Variants in KIF26B observed in about 807,000 individuals in gnomAD.
KIF26B encodes the protein kinesin-like protein KIF26B.
Under a neutral mutation model 151.2 loss-of-function variants are expected in KIF26B, and 63 were observed. That is an observed-to-expected ratio of 0.42 (90% confidence interval 0.34 to 0.51). KIF26B has a LOEUF of 0.51. KIF26B is among the 20% of genes least tolerant of loss of function. The pLI, the probability that KIF26B is intolerant of heterozygous loss-of-function variation, is 0.07. For synonymous variants in KIF26B, 1,357 were observed against 1,262.1 expected, an observed-to-expected ratio of 1.08 and a Z score of -1.59; for missense variants, 2,813 against 2,913.6, an observed-to-expected ratio of 0.97 and a Z score of 0.79.
At chr1:245,369,195 GAGACAGACAGAC>G (rs1553268129) in intron 3 of KIF26B, among the ~76,000 whole-genome samples, 10 of 129,506 alleles carry the variant, frequency 7.7e-5, no homozygotes, top group Admixed American at 1.5e-4. Flanking sequence ...GAGAGAGAGA[GAGACAGACAGAC>G]AGACAGACAG....
chr1:245,545,721 T>A (rs1021216830), intron 5 of KIF26B, among the ~76,000 whole-genome samples: 11 of 152,336 alleles, frequency 7.2e-5, no homozygotes, highest in African/African-American at 2.6e-4. Flanking sequence ...AGCAGCTTAG[T>A]CCCCATTCAT....
chr1:245,252,573 A>G (rs1454622986), intron 2 of KIF26B, among the ~76,000 whole-genome samples: 4 of 152,290 alleles, frequency 2.6e-5, no homozygotes, highest in African/African-American at 9.6e-5. Context: ...TATTAAGTCT[A>G]ATACCTTGTG....
rs1242758911 is a variant in KIF26B at position 245,244,426 on chromosome 1, G to T, written c.465+87743G>T. 6.6e-6 allele frequency among the ~76,000 whole-genome samples: 1 copy of T among 152,066 alleles called. No homozygotes were observed. The highest frequency in any genetic ancestry group is 1.9e-4 in the East Asian group (1 of 5,194). ...AGTGGGTGGGTAAAATCCGTGAAAGGGTGAGTATTTTGCTTTTAAAGTTCT... is the reference window on the plus strand; with the variant it reads ...AGTGGGTGGGTAAAATCCGTGAAAGTGTGAGTATTTTGCTTTTAAAGTTCT... On this transcript the variant is annotated intron_variant, in intron 2 of 14. Transcript: ENST00000407071. This position sits in a 1 kb window ranked among gnomAD's most constrained non-coding sequence, Gnocchi z 4.2.
At chr1:245,568,233 G>C (rs1248207229) in intron 5 of KIF26B, among the ~76,000 whole-genome samples, 1 of 141,514 alleles carries the variant, frequency 7.1e-6, no homozygotes, top group African/African-American at 2.6e-5. Context: ...CAAAGGGCCT[G>C]AGCCAGGCAC....
At chr1:245,461,469 C>T (rs763454537) in intron 4 of KIF26B, among the ~76,000 whole-genome samples, 4 of 152,200 alleles carry the variant, frequency 2.6e-5, no homozygotes, top group East Asian at 1.9e-4. Context: ...TAATTAGATC[C>T]GCTCATCACG....
At chr1:245,581,041 C>T (rs1226992974) in intron 5 of KIF26B, among the ~76,000 whole-genome samples, 1 of 152,212 alleles carries the variant, frequency 6.6e-6, no homozygotes, top group Admixed American at 6.5e-5. Context: ...TCCAGCAGCT[C>T]CTGCATGATT....
intron 5 of KIF26B, among the ~76,000 whole-genome samples, chr1:245,585,428 A>G (rs1260049969): frequency 1.3e-5 from 2 of 152,174 alleles, no homozygotes; most frequent in Non-Finnish European, 2.9e-5. Context: ...AACTTGGAGT[A>G]TGAGTCAGAG....
At chr1:245,240,496 TACATGTACAG>T (rs1670195944) in intron 2 of KIF26B, among the ~76,000 whole-genome samples, 1 of 152,194 alleles carries the variant, frequency 6.6e-6, no homozygotes, top group African/African-American at 2.4e-5. Flanking sequence ...CATATACACA[TACATGTACAG>T]ACATACGAGT....
chr1:245,358,813 G>GA lies in KIF26B; in HGVS notation c.466-8021_466-8020insA, dbSNP rs1298641781. Among the ~76,000 whole-genome samples, 3 of 152,118 alleles carry GA rather than the reference G, an allele frequency of 2.0e-5. No individual in the cohort carries two copies. Among genetic ancestry groups the GA allele is most frequent in the Non-Finnish European group, 4.4e-5 (3 of 68,040 alleles). On this transcript the variant is annotated intron_variant, in intron 2 of 14. Transcript: ENST00000407071. This position sits in a 1 kb window ranked among gnomAD's most constrained non-coding sequence, Gnocchi z 4.1. ...ATAATCTTGATTAGTGCTTACATGCGTATAGTTCAGCACTTTATTTTGTGT... is the reference window on the plus strand; with the variant it reads ...ATAATCTTGATTAGTGCTTACATGCGATATAGTTCAGCACTTTATTTTGTGT...
Position 245,227,366 on chromosome 1 carries a change from G to A in KIF26B, c.465+70683G>A, listed in dbSNP as rs1047003234. Among the ~76,000 whole-genome samples, 1 of 152,180 alleles carries A rather than the reference G, an allele frequency of 6.6e-6. No individual in the cohort carries two copies. The highest frequency in any genetic ancestry group is 2.4e-5 in the African/African-American group (1 of 41,444). On this transcript the variant is annotated intron_variant, in intron 2 of 14. Transcript: ENST00000407071. The surrounding 1 kb of genome is among the most constrained non-coding windows in gnomAD (Gnocchi z 4.1). ...CCATGTGATGTAGCACAGGTTGATG[G>A]GGTAAGCCAGTGTAACATGGAAACC...
intron 2 of KIF26B, among the ~76,000 whole-genome samples, chr1:245,351,120 G>A (rs1672558990): frequency 6.6e-6 from 1 of 152,202 alleles, no homozygotes; most frequent in Admixed American, 6.5e-5. Context: ...TCTGACCTAT[G>A]CATTGGGATA....
intron 4 of KIF26B, among the ~76,000 whole-genome samples, chr1:245,470,911 T>C (rs1659899426): frequency 1.3e-5 from 2 of 152,142 alleles, no homozygotes; most frequent in South Asian, 4.1e-4. Context: ...TCTCTCTCTC[T>C]CCTCTCATAG....
chr1:245,489,682 A>G (rs965589030), intron 4 of KIF26B, among the ~76,000 whole-genome samples: 4 of 152,260 alleles, frequency 2.6e-5, no homozygotes, highest in Non-Finnish European at 5.9e-5. Flanking sequence ...CAGGGTTATG[A>G]GAAGGCAGAA....
At chr1:245,557,501 A>G (rs926760821) in intron 5 of KIF26B, among the ~76,000 whole-genome samples, 1 of 152,184 alleles carries the variant, frequency 6.6e-6, no homozygotes, top group Non-Finnish European at 1.5e-5. Flanking sequence ...TCAGAGGGTA[A>G]TTGTGAGGCT....
chr1:245,600,732 G>T (rs2043387327), intron 5 of KIF26B, among the ~76,000 whole-genome samples: 1 of 152,020 alleles, frequency 6.6e-6, no homozygotes, highest in Admixed American at 6.5e-5. Context: ...AGTGCTTTGG[G>T]AGGCAGAGGT....
At chr1:245,461,601 C>G (rs1659648386) in intron 4 of KIF26B, among the ~76,000 whole-genome samples, 1 of 152,098 alleles carries the variant, frequency 6.6e-6, no homozygotes, top group African/African-American at 2.4e-5. Flanking sequence ...CCCATCACCT[C>G]CAGCTGCACC....
In KIF26B at chr1:245,540,707, A is replaced by T; in HGVS notation, c.1167-60A>T. 1 of 1,464,658 alleles carries T rather than the reference A, an allele frequency of 6.8e-7. No individual in the cohort carries two copies. The allele number at this position is 1,464,658 out of a possible 1,614,324, so 90.7% of individuals were successfully genotyped here. A position where few individuals can be genotyped will look rare whatever the true frequency, so the allele number is the denominator to read the frequency against. ...GGGGTTGTTTAAGAGAAAACGAAGT[A>T]AGCCTAGCAGATCTGATCGTACAAT... On this transcript the variant is annotated intron_variant, in intron 4 of 14. Coordinates refer to ENST00000407071, the MANE Select transcript of KIF26B (RefSeq NM_018012.4). This position sits in a 1 kb window ranked among gnomAD's most constrained non-coding sequence, Gnocchi z 4.6.
In KIF26B at chr1:245,246,912, C is replaced by T. The variant is rs144355635; in HGVS notation, c.465+90229C>T. 5.9e-3 allele frequency among the ~76,000 whole-genome samples: 854 copies of T among 144,608 alleles called. 7 individuals carry two copies. The highest frequency in any genetic ancestry group is 0.02 in the African/African-American group (804 of 40,334). The allele number at this position is 144,608 out of a possible 152,430, so 94.9% of individuals were successfully genotyped here. A position where few individuals can be genotyped will look rare whatever the true frequency, so the allele number is the denominator to read the frequency against. On this transcript the variant is annotated intron_variant, in intron 2 of 14. Transcript: ENST00000407071. ...ACACACAGACACACACACACAGACACAGACACACACAGACACAGACACACA... is the reference window on the plus strand; with the variant it reads ...ACACACAGACACACACACACAGACATAGACACACACAGACACAGACACACA...
At chr1:245,288,311 G>A (rs953100418) in intron 2 of KIF26B, among the ~76,000 whole-genome samples, 5 of 152,092 alleles carry the variant, frequency 3.3e-5, no homozygotes, top group African/African-American at 1.2e-4. Flanking sequence ...CCTTAGGACA[G>A]GGACCCCATT....
Sources: allele counts gnomAD v4.1 joint callset (sites outside exome capture counted in the v4.1 genomes callset), GRCh38; gene constraint gnomAD v4.1.1; non-coding constraint Gnocchi (gnomAD v3.1); transcripts MANE v1.5; gene names NCBI Gene and HGNC (gene_info 2026-07-23, HGNC 2026-07-21).